DNM1L: variants seen among roughly 807,000 people sequenced by gnomAD.
DNM1L encodes the protein dynamin-1-like protein.
In DNM1L, 33 loss-of-function variants were observed where a neutral mutation model predicts 92.8. That is an observed-to-expected ratio of 0.36 (90% CI 0.27 to 0.48). The LOEUF (loss-of-function observed/expected upper bound fraction) is 0.48. Among genes scored for constraint, DNM1L ranks in the 20% least tolerant of loss-of-function variants. DNM1L has a pLI of 0.99. For synonymous variants in DNM1L, 284 were observed against 305.0 expected, an observed-to-expected ratio of 0.93 and a Z score of 0.72; for missense variants, 485 against 888.8, an observed-to-expected ratio of 0.55 and a Z score of 5.78.
In DNM1L at chr12:32,679,352, GT is replaced by G; in HGVS notation, c.-8del. ...TGGCCGGCGGGCACTGGGGCCCCGT[GT>G]TTTCAGAGTCATGGAGGCGCTAATT... On this transcript the variant is annotated 5_prime_UTR_variant, in exon 1 of 20. Coordinates refer to ENST00000549701, the MANE Select transcript of DNM1L (RefSeq NM_012062.5). 6.2e-7 allele frequency: 1 copy of G among 1,609,110 alleles called. No individual in the cohort carries two copies.
intron 7 of DNM1L, among the ~76,000 whole-genome samples, chr12:32,719,141 A>G (rs1008382966): frequency 2.6e-5 from 4 of 152,016 alleles, no homozygotes; most frequent in African/African-American, 7.2e-5. Flanking sequence ...TGTAGTGACA[A>G]GGTCTTGCCA....
intron 7 of DNM1L, among the ~76,000 whole-genome samples, chr12:32,719,019 G>A (rs529883593): frequency 5.7e-4 from 86 of 151,092 alleles, no homozygotes; most frequent in African/African-American, 2.0e-3. Flanking sequence ...TGGCGTGATT[G>A]TGGCTCATTG....
chr12:32,679,590 G>C, intron 1 of DNM1L, 125 bp downstream of exon 1: 1 of 1,418,904 alleles, frequency 7.0e-7, no homozygotes, highest in Non-Finnish European at 9.3e-7. Context: ...TGTGGGAGGA[G>C]GGCCTTGCTG....
chr12:32,708,127 T>C (rs761184856), intron 3 of DNM1L, 26 bp from the exon 4 acceptor site: 5 of 1,403,766 alleles, frequency 3.6e-6, no homozygotes, highest in Non-Finnish European at 5.0e-6. Flanking sequence ...TTGAATATTA[T>C]GCTTTTTTAT....
intron 1 of DNM1L, among the ~76,000 whole-genome samples, chr12:32,689,502 T>C (rs1592568824): frequency 6.6e-6 from 1 of 152,368 alleles, no homozygotes; most frequent in South Asian, 2.1e-4. Context: ...TTTAGCTGTT[T>C]TAAATACCAT....
At chr12:32,706,062 T>TA in intron 2 of DNM1L, 1 of 465,512 alleles carries the variant, frequency 2.1e-6, no homozygotes, top group Non-Finnish European at 3.7e-6. Context: ...GAATGTAATT[T>TA]ATTTTATTTT....
chr12:32,742,164 G>GC (rs1286031586), intron 18 of DNM1L, among the ~76,000 whole-genome samples: 1 of 152,026 alleles, frequency 6.6e-6, no homozygotes, highest in East Asian at 1.9e-4. Flanking sequence ...GAGTGCAGTG[G>GC]CGCGTTCTTG....
chr12:32,711,882 CTAAA>C (rs780280135), intron 5 of DNM1L, among the ~76,000 whole-genome samples: 2 of 152,064 alleles, frequency 1.3e-5, no homozygotes, highest in Non-Finnish European at 1.5e-5. Flanking sequence ...GACCCTGTCT[CTAAA>C]TAAATAAATA....
intron 1 of DNM1L, among the ~76,000 whole-genome samples, chr12:32,699,514 C>T (rs1266357381): frequency 2.0e-5 from 3 of 152,068 alleles, no homozygotes; most frequent in African/African-American, 7.2e-5. Context: ...CTGTCGGTAT[C>T]CATCTATCAA....
chr12:32,718,817 A>AGCAT, intron 7 of DNM1L, 54 bp downstream of exon 7: 1 of 1,605,416 alleles, frequency 6.2e-7, no homozygotes, highest in Non-Finnish European at 8.5e-7. Context: ...GAATGGGATA[A>AGCAT]GCATTCTCAC....
chr12:32,702,642 A>AT (rs1337588336), intron 2 of DNM1L, among the ~76,000 whole-genome samples: 1 of 150,282 alleles, frequency 6.7e-6, no homozygotes, highest in Non-Finnish European at 1.5e-5. Context: ...TCTGTGTCTG[A>AT]TTTTTTCATT....
At chr12:32,685,089 G>A (rs780647670) in intron 1 of DNM1L, among the ~76,000 whole-genome samples, 1 of 151,698 alleles carries the variant, frequency 6.6e-6, no homozygotes, top group African/African-American at 2.4e-5. Flanking sequence ...GCAGGTGCCC[G>A]CTACCACGCC....
At chr12:32,727,415 A>G in intron 9 of DNM1L, 1 of 716,088 alleles carries the variant, frequency 1.4e-6, no homozygotes, top group Non-Finnish European at 2.6e-6. Flanking sequence ...ATGAGAAGCC[A>G]GGCGGCTGGA....
intron 16 of DNM1L, 68 bp downstream of exon 16, chr12:32,738,364 C>A: frequency 6.5e-7 from 1 of 1,540,708 alleles, no homozygotes; most frequent in Non-Finnish European, 9.0e-7. Flanking sequence ...GTCTATACCA[C>A]CATTAAAGAA....
At chr12:32,720,611 T>C in intron 7 of DNM1L, 53 bp from the exon 8 acceptor site, 1 of 1,612,110 alleles carries the variant, frequency 6.2e-7, no homozygotes, top group Non-Finnish European at 8.5e-7. Flanking sequence ...TCATCTAAGG[T>C]AGGAAGAGGA....
chr12:32,705,754 A>G, intron 2 of DNM1L: 1 of 1,410,308 alleles, frequency 7.1e-7, no homozygotes, highest in South Asian at 1.2e-5. Context: ...GCACATTTGA[A>G]TTTTTAATAA....
At chr12:32,712,585 A>G (rs1953170991) in intron 5 of DNM1L, among the ~76,000 whole-genome samples, 1 of 143,484 alleles carries the variant, frequency 7.0e-6, no homozygotes, top group Non-Finnish European at 1.5e-5. Context: ...AGGAGTTTGA[A>G]GATACAGTGA....
chr12:32,710,320 T>C (rs756384179), intron 4 of DNM1L, among the ~76,000 whole-genome samples: 1 of 152,206 alleles, frequency 6.6e-6, no homozygotes, highest in African/African-American at 2.4e-5. Flanking sequence ...TACGCCTTAC[T>C]CTCTGAACTC....
chr12:32,686,919 G>C (rs1346197683), intron 1 of DNM1L, among the ~76,000 whole-genome samples: 3 of 148,098 alleles, frequency 2.0e-5, no homozygotes, highest in Admixed American at 6.7e-5. Flanking sequence ...TGTTGAGGTT[G>C]TAAGAGTTCT....
Sources: allele counts gnomAD v4.1 joint callset (sites outside exome capture counted in the v4.1 genomes callset), GRCh38; gene constraint gnomAD v4.1.1; transcripts MANE v1.5; gene names NCBI Gene and HGNC (gene_info 2026-07-23, HGNC 2026-07-21).